ABCD3: variants seen among roughly 807,000 people sequenced by gnomAD.
ABCD3 encodes the protein ATP-binding cassette sub-family D member 3.
In ABCD3, 41 loss-of-function variants were observed where a neutral mutation model predicts 105.5. The ratio of observed to expected loss-of-function variants is 0.39; its 90% CI spans 0.30 to 0.50. The LOEUF (loss-of-function observed/expected upper bound fraction) is 0.50, where lower values mean the gene tolerates loss of function less well. ABCD3 is among the 20% of genes least tolerant of loss of function. The pLI is 0.84. For missense variants in ABCD3, 622 were observed against 806.3 expected (o/e 0.77, Z 2.77); for synonymous variants, 258 against 269.0 (o/e 0.96, Z 0.40).
At chr1:94,502,867 A>G (rs572471093) in intron 20 of ABCD3, among the ~76,000 whole-genome samples, 1 of 152,188 alleles carries the variant, frequency 6.6e-6, no homozygotes, top group South Asian at 2.1e-4. Flanking sequence ...GTAAATGTTA[A>G]AGCTGGTGGT....
At chr1:94,470,277 C>G (rs1283716575) in intron 4 of ABCD3, among the ~76,000 whole-genome samples, 1 of 152,166 alleles carries the variant, frequency 6.6e-6, no homozygotes, top group African/African-American at 2.4e-5. Flanking sequence ...TCACTCTGTT[C>G]TGGGTCTCAA....
chr1:94,418,179 A>C (rs1200118127), upstream of ABCD3, among the ~76,000 whole-genome samples: 1 of 152,198 alleles, frequency 6.6e-6, no homozygotes, highest in South Asian at 2.1e-4. Context: ...CGCAGGGCTG[A>C]GTAGCAACAG....
intron 21 of ABCD3, among the ~76,000 whole-genome samples, chr1:94,510,694 T>C (rs559015365): frequency 1.3e-5 from 2 of 152,246 alleles, no homozygotes; most frequent in South Asian, 2.1e-4. Context: ...TGCATATATA[T>C]TTAGGATAGT....
intron 15 of ABCD3, among the ~76,000 whole-genome samples, chr1:94,490,471 A>G (rs1275786896): frequency 6.6e-6 from 1 of 151,982 alleles, no homozygotes; most frequent in Non-Finnish European, 1.5e-5. Context: ...GATTCCACAT[A>G]CAAGTAAGAT....
chr1:94,444,791 T>C (rs952211621), intron 1 of ABCD3, among the ~76,000 whole-genome samples: 1 of 152,210 alleles, frequency 6.6e-6, no homozygotes, highest in African/African-American at 2.4e-5. Flanking sequence ...TGTTGATTTC[T>C]TTTTTCCATT....
chr1:94,498,913 C>T, intron 18 of ABCD3, 32 bp from the exon 19 acceptor site: 4 of 1,610,226 alleles, frequency 2.5e-6, no homozygotes, highest in Non-Finnish European at 3.4e-6. Context: ...TTTCATGTTG[C>T]TTCTAATTGA....
intron 16 of ABCD3, among the ~76,000 whole-genome samples, chr1:94,493,170 T>C (rs1649618612): frequency 1.3e-5 from 2 of 151,798 alleles, no homozygotes; most frequent in African/African-American, 4.8e-5. Context: ...GCCTACAAAA[T>C]GGGAGAAAAT....
chr1:94,491,674 C>G (rs1649542134), intron 16 of ABCD3, among the ~76,000 whole-genome samples: 1 of 151,980 alleles, frequency 6.6e-6, no homozygotes, highest in African/African-American at 2.4e-5. Flanking sequence ...ACGGGAAGAG[C>G]CGCACAGTAG....
chr1:94,437,766 C>A (rs1659959899), intron 1 of ABCD3, among the ~76,000 whole-genome samples: 2 of 152,070 alleles, frequency 1.3e-5, no homozygotes, highest in Non-Finnish European at 2.9e-5. Flanking sequence ...AAATAGAAAA[C>A]CTGGAAAGGA....
At chr1:94,491,693 A>G (rs1384994665) in intron 16 of ABCD3, among the ~76,000 whole-genome samples, 1 of 152,110 alleles carries the variant, frequency 6.6e-6, no homozygotes, top group Non-Finnish European at 1.5e-5. Flanking sequence ...AGCGCTACAA[A>G]TAGACACTCA....
At chr1:94,476,735 T>A (rs934210478) in intron 7 of ABCD3, among the ~76,000 whole-genome samples, 5 of 152,202 alleles carry the variant, frequency 3.3e-5, no homozygotes, top group Admixed American at 3.3e-4. Context: ...CCAATGCTTT[T>A]CACTTCCAGC....
At chr1:94,390,492 G>A in the ABCD3 span, among the ~76,000 whole-genome samples, 1 of 151,892 alleles carries the variant, frequency 6.6e-6, no homozygotes, top group South Asian at 2.1e-4. Flanking sequence ...TAGTAGAGAT[G>A]GGGTTTCACC....
intron 3 of ABCD3, among the ~76,000 whole-genome samples, chr1:94,467,627 CT>C (rs1387087276): frequency 1.3e-5 from 2 of 152,174 alleles, no homozygotes; most frequent in Non-Finnish European, 2.9e-5. Flanking sequence ...ACATTCCCAG[CT>C]TCTGTCCTTG....
At chr1:94,475,303 C>G (rs748203806) in intron 6 of ABCD3, 63 bp downstream of exon 6, 3 of 1,120,508 alleles carry the variant, frequency 2.7e-6, no homozygotes, top group African/African-American at 3.2e-5. Flanking sequence ...TGAAGCTGAT[C>G]AATATAGCAG....
intron 7 of ABCD3, 131 bp downstream of exon 7, chr1:94,475,868 T>C (rs1648713250): frequency 1.4e-6 from 1 of 739,678 alleles, no homozygotes; most frequent in South Asian, 2.1e-5. Flanking sequence ...ATAAGAAAAT[T>C]AGAGTTGTTG....
intron 2 of ABCD3, 40 bp from the exon 3 acceptor site, chr1:94,464,735 G>A (rs1306402673): frequency 2.0e-6 from 3 of 1,491,174 alleles, no homozygotes; most frequent in Non-Finnish European, 2.8e-6. Context: ...TGATATGTTT[G>A]TTATAGCTAT....
intron 1 of ABCD3, among the ~76,000 whole-genome samples, chr1:94,425,537 A>G (rs541838861): frequency 1.3e-5 from 2 of 152,314 alleles, no homozygotes; most frequent in South Asian, 4.1e-4. Context: ...CTTCCTTGGA[A>G]TAAATTGCCA....
chr1:94,439,423 C>G (rs1660053771), intron 1 of ABCD3, among the ~76,000 whole-genome samples: 1 of 151,980 alleles, frequency 6.6e-6, no homozygotes, highest in Admixed American at 6.6e-5. Context: ...GGGCAGATCA[C>G]TTGAGGTCAG....
chr1:94,497,343 A>C (rs915670744), intron 16 of ABCD3, among the ~76,000 whole-genome samples: 2 of 152,170 alleles, frequency 1.3e-5, no homozygotes, highest in African/African-American at 4.8e-5. Flanking sequence ...CCTGACAGAG[A>C]GCATTCAATA....
Sources: gnomAD v4.1 joint callset for allele counts (sites outside exome capture counted in the v4.1 genomes callset) on GRCh38, gnomAD v4.1.1 for gene constraint, MANE v1.5 for transcripts, NCBI Gene and HGNC (gene_info 2026-07-23, HGNC 2026-07-21) for gene names.